Variants in BDP1 observed in about 807,000 individuals in gnomAD.
BDP1 encodes the protein transcription factor TFIIIB component B'' homolog.
BDP1 carries 169 observed loss-of-function variants against 266.6 expected under a neutral mutation model. The observed-to-expected ratio is 0.63, with a 90% CI of 0.56 to 0.72. BDP1 has a LOEUF of 0.72. Among genes scored for constraint, BDP1 ranks in the 30% least tolerant of loss-of-function variants. The pLI is 0.00. For synonymous variants in BDP1, 1,090 were observed against 1,022.4 expected, an observed-to-expected ratio of 1.07 and a Z score of -1.26; for missense variants, 3,015 against 3,053.8, an observed-to-expected ratio of 0.99 and a Z score of 0.30.
chr5:71,511,030 A>G lies in BDP1; in HGVS notation c.3938A>G (p.Lys1313Arg), dbSNP rs1764889591. 6.2e-7 allele frequency: 1 copy of G among 1,614,160 alleles called. No individual in the cohort carries two copies. Among genetic ancestry groups the G allele is most frequent in the South Asian group, 1.1e-5 (1 of 91,062 alleles). The part of the protein sequence containing the change: ...EKVAELKQTG[K>R]TDISPRENEL... ...GTGGCAGAATTGAAACAAACTGGAA[A>G]AACAGACATTTCTCCAAGGGAAAAC... Residue 1313 changes from lysine (K) to arginine (R), a missense_variant, in exon 17 of 39, where the codon AAA (lysine) becomes AGA (arginine). Around this residue, in one of 3 missense-constraint regions of BDP1, gnomAD observed 2,383 missense variants for 2,404.9 expected, o/e 0.99. Transcript: ENST00000358731.
Position 71,542,230 on chromosome 5 carries a change from G to A in BDP1, c.6377G>A (p.Cys2126Tyr). ...LDDYQEVSSL[C>Y]VTKGAEMETQ... The stretch of plus-strand genomic sequence containing the variant: ...GATTATCAGGAAGTTTCCAGTTTGT[G>A]TGTAACCAAAGGGGCAGAAATGGAA... Residue 2126 changes from cysteine to tyrosine, a missense_variant, in exon 30 of 39, where the codon TGT becomes TAT. Coordinates refer to ENST00000358731, the MANE Select transcript of BDP1 (RefSeq NM_018429.3). 6.2e-7 allele frequency: 1 copy of A among 1,612,884 alleles called. No homozygotes were observed. The highest frequency in any genetic ancestry group is 2.2e-5 in the East Asian group (1 of 44,756).
intron 6 of BDP1, among the ~76,000 whole-genome samples, chr5:71,469,762 C>A (rs113780254): frequency 6.8e-6 from 1 of 147,434 alleles, no homozygotes; most frequent in Non-Finnish European, 1.5e-5. Context: ...TACAGGTGCA[C>A]GCCACCACGC....
rs141650312 is a variant in BDP1 at position 71,544,824 on chromosome 5, G to GA, written c.6564-214dup. Among the ~76,000 whole-genome samples the GA allele has an allele frequency of 6.2e-3, 798 of 127,866 alleles. 13 individuals are homozygous for GA. The highest frequency in any genetic ancestry group is 0.022 in the African/African-American group (762 of 34,100). The allele number at this position is 127,866 out of a possible 152,430, so 83.9% of individuals were successfully genotyped here. On this transcript the variant is annotated intron_variant, in intron 31 of 38. Transcript: ENST00000358731. ...GAACCTGGGAGACGGAGCTTGCAGT[G>GA]AGCCAAGATCGCGCCACTGCACTCC...
intron 18 of BDP1, 33 bp from the exon 19 acceptor site, chr5:71,513,152 C>A (rs377471501): frequency 2.0e-6 from 3 of 1,525,430 alleles, no homozygotes; most frequent in Non-Finnish European, 1.8e-6. Flanking sequence ...CCCTTCAGTT[C>A]ATTCTAAAGC....
At chr5:71,476,844 C>G (rs1762618453) in intron 7 of BDP1, among the ~76,000 whole-genome samples, 1 of 152,186 alleles carries the variant, frequency 6.6e-6, no homozygotes, top group Admixed American at 6.5e-5. Context: ...GCTGGGACTA[C>G]AGGCGCCCGC....
chr5:71,504,790 G>C, intron 16 of BDP1, 39 bp downstream of exon 16: 1 of 1,595,918 alleles, frequency 6.3e-7, no homozygotes, highest in Non-Finnish European at 8.5e-7. Flanking sequence ...TTTGGATTTT[G>C]TAAAAAGTTT....
At position 71,534,751 on chromosome 5, in the gene BDP1, C is replaced by T. The variant is rs369233225; in HGVS notation, c.5892+2324C>T. ...CTGTCTCCCTGGTTCAAGCAATTCT[C>T]CTGTCTCAGCTTCCCGAGTAGCTGG... On this transcript the variant is annotated intron_variant, in intron 26 of 38. Coordinates refer to ENST00000358731, the MANE Select transcript of BDP1 (RefSeq NM_018429.3). 3.9e-5 allele frequency among the ~76,000 whole-genome samples: 6 copies of T among 152,230 alleles called. No individual in the cohort carries two copies. The South Asian group carries it at 6.2e-4, about 16-fold the overall frequency.
At position 71,560,174 on chromosome 5, in the gene BDP1, A is replaced by G; in HGVS notation, c.7433A>G (p.Asp2478Gly). The change falls in exon 37 of 39, where the codon GAT (aspartate) becomes GGT (glycine). Residue 2478 changes from aspartate (D) to glycine (G), a missense_variant. Asp to Gly is a moderately conservative substitution (Grantham distance 94). Coordinates refer to ENST00000358731, the MANE Select transcript of BDP1 (RefSeq NM_018429.3). The stretch of plus-strand genomic sequence containing the variant: ...GTGTCTGATAAGGAAGAAAGAACTG[A>G]TGCTGCTCCTAAGTCTCAGCAAATG... ...MIVSDKEERT[D>G]AAPKSQQMDS... The G allele has an allele frequency of 6.2e-7, 1 of 1,614,126 alleles. No individual in the cohort carries two copies. The highest frequency in any genetic ancestry group is 1.1e-5 in the South Asian group (1 of 91,082).
the BDP1 span, among the ~76,000 whole-genome samples, chr5:71,573,707 G>A: frequency 1.3e-5 from 2 of 152,190 alleles, no homozygotes; most frequent in Non-Finnish European, 2.9e-5. Context: ...TGCTGGACCC[G>A]GAGACATTAC....
chr5:71,507,493 G>C (rs1411329661), intron 16 of BDP1, among the ~76,000 whole-genome samples: 4 of 152,158 alleles, frequency 2.6e-5, no homozygotes, highest in Non-Finnish European at 4.4e-5. Context: ...AATCTGAACT[G>C]TTATGGAAAT....
intron 35 of BDP1, among the ~76,000 whole-genome samples, chr5:71,555,939 ATTAAC>A (rs1322927013): frequency 1.3e-5 from 2 of 152,168 alleles, no homozygotes; most frequent in African/African-American, 2.4e-5. Context: ...ATTAACTTAG[ATTAAC>A]TTAGGGGAAA....
At chr5:71,522,231 TTA>T in intron 22 of BDP1, 56 bp from the exon 23 acceptor site, 1 of 1,386,932 alleles carries the variant, frequency 7.2e-7, no homozygotes, top group South Asian at 1.2e-5. Flanking sequence ...GTAACAGCTG[TTA>T]TATCAACAAG....
In BDP1 at chr5:71,548,662, A is replaced by C. The variant is rs1374762434; in HGVS notation, c.6745-20A>C. On this transcript the variant is annotated intron_variant, in intron 32 of 38. Transcript: ENST00000358731. ...AAGATTTGGCCAACCTGACTCTTTCATTTTAATTTTTTATGGCAGTATACA... is the reference window on the plus strand; with the variant it reads ...AAGATTTGGCCAACCTGACTCTTTCCTTTTAATTTTTTATGGCAGTATACA... 6.4e-7 allele frequency: 1 copy of C among 1,560,744 alleles called. No homozygotes were observed. The highest frequency in any genetic ancestry group is 1.4e-5 in the African/African-American group (1 of 73,654).
chr5:71,460,746 GA>G (rs1448233101), intron 2 of BDP1, among the ~76,000 whole-genome samples: 2 of 151,534 alleles, frequency 1.3e-5, no homozygotes, highest in Non-Finnish European at 1.5e-5. Flanking sequence ...GGGGTGGGGG[GA>G]TTAAAAAAAA....
At chr5:71,544,240 A>G in intron 30 of BDP1, 117 bp from the exon 31 acceptor site, 1 of 887,068 alleles carries the variant, frequency 1.1e-6, no homozygotes, top group Admixed American at 2.7e-5. Flanking sequence ...GTGGAATAAG[A>G]GAAGTTTGGA....
At chr5:71,573,231 AAAAAAAAAAAG>A in the BDP1 span, among the ~76,000 whole-genome samples, 1 of 117,962 alleles carries the variant, frequency 8.5e-6, no homozygotes, top group Non-Finnish European at 1.9e-5. Flanking sequence ...CTGTTTCAAA[AAAAAAAAAAAG>A]AAAGAAAAGA....
At chr5:71,548,657 CT>C in intron 32 of BDP1, 24 bp from the exon 33 acceptor site, 2 of 1,528,728 alleles carry the variant, frequency 1.3e-6, no homozygotes, top group South Asian at 1.1e-5. Flanking sequence ...CAACCTGACT[CT>C]TTCATTTTAA....
rs189119892 is a variant in BDP1, at chr5:71,522,540, G to T, written c.5193+50G>T. ...AAAATTTTTTTTCTCAATGAGGTCT[G>T]TTTTGTCAAGATCATGAAGAGCATG... is the stretch of plus-strand genomic sequence containing the variant. On this transcript the variant is annotated intron_variant, in intron 23 of 38. Transcript: ENST00000358731. 1.6e-3 allele frequency: 2,304 copies of T among 1,463,528 alleles called. 15 individuals are homozygous for T. In the East Asian group the frequency reaches 0.018, roughly 12 times the overall value. The allele number at this position is 1,463,528 out of a possible 1,614,324, so 90.7% of individuals were successfully genotyped here.
rs1744057165 is a variant in BDP1 at position 71,566,740 on chromosome 5, A to T, written c.*1855A>T. 1 of 152,198 alleles carries T rather than the reference A, an allele frequency of 6.6e-6. No homozygotes were observed. The highest frequency in any genetic ancestry group is 1.5e-5 in the Non-Finnish European group (1 of 68,042). 9.4% of individuals were successfully genotyped at this position (152,198 alleles called of 1,614,324 possible). A position where few individuals can be genotyped will look rare whatever the true frequency, so the allele number is the denominator to read the frequency against. ...CAAATTTTCTTACCCTGAGGTGCTGATATCTGTATGGATGAGTTATTTGTC... is the reference window on the plus strand; with the variant it reads ...CAAATTTTCTTACCCTGAGGTGCTGTTATCTGTATGGATGAGTTATTTGTC... On this transcript the variant is annotated 3_prime_UTR_variant, in exon 39 of 39. Coordinates refer to ENST00000358731, the MANE Select transcript of BDP1 (RefSeq NM_018429.3).
Sources: allele counts gnomAD v4.1 joint callset (sites outside exome capture counted in the v4.1 genomes callset), GRCh38; gene constraint gnomAD v4.1.1; regional missense constraint gnomAD v4.1.1; transcripts MANE v1.5; gene names NCBI Gene and HGNC (gene_info 2026-07-23, HGNC 2026-07-21).